WDR27: variants seen among roughly 807,000 people sequenced by gnomAD.
WDR27 encodes WD repeat-containing protein 27.
In WDR27, 100 loss-of-function variants were observed where a neutral mutation model predicts 114.4. The ratio of observed to expected loss-of-function variants is 0.87; its 90% CI spans 0.74 to 1.03. WDR27 has a LOEUF of 1.03. Among genes scored for constraint, WDR27 ranks in the 50% least tolerant of loss-of-function variants. The pLI is 0.00. For missense variants in WDR27, 1,129 were observed against 1,092.9 expected, an observed-to-expected ratio of 1.03 and a Z score of -0.47; for synonymous variants, 449 against 423.1, an observed-to-expected ratio of 1.06 and a Z score of -0.75.
intron 1 of WDR27, among the ~76,000 whole-genome samples, chr6:169,690,642 A>G (rs1784243146): frequency 6.6e-6 from 1 of 152,196 alleles, no homozygotes; most frequent in South Asian, 2.1e-4. Context: ...CCAGACTGAT[A>G]GGATGGAATC....
chr6:169,498,062 A>T (rs959100312), intron 25 of WDR27, among the ~76,000 whole-genome samples: 1 of 152,158 alleles, frequency 6.6e-6, no homozygotes, highest in Non-Finnish European at 1.5e-5. Flanking sequence ...ATACACAAGA[A>T]TATTATTCAG....
chr6:169,643,610 C>T (rs1819731849), intron 17 of WDR27, 87 bp downstream of exon 17: 5 of 1,160,536 alleles, frequency 4.3e-6, no homozygotes, highest in Non-Finnish European at 4.9e-6. Context: ...CTGAAGGAAA[C>T]AAAAGTGTCC....
At chr6:169,692,057 G>T (rs1215271449) in intron 1 of WDR27, among the ~76,000 whole-genome samples, 1 of 134,770 alleles carries the variant, frequency 7.4e-6, no homozygotes, top group Non-Finnish European at 1.5e-5. Flanking sequence ...AATGTGAGAG[G>T]GGGGAAAACT....
chr6:169,679,533 C>G (rs1157827641), intron 2 of WDR27, among the ~76,000 whole-genome samples: 1 of 152,142 alleles, frequency 6.6e-6, no homozygotes, highest in African/African-American at 2.4e-5. Flanking sequence ...CGGCTGATCC[C>G]TCATGGCTTA....
intron 1 of WDR27, among the ~76,000 whole-genome samples, chr6:169,699,127 T>C (rs1787110234): frequency 6.6e-6 from 1 of 152,134 alleles, no homozygotes; most frequent in South Asian, 2.1e-4. Context: ...CTACAGGAAA[T>C]TATTGCAAAG....
In WDR27 at chr6:169,643,765, C is replaced by T. The variant is rs1452515784; in HGVS notation, c.1679G>A (p.Cys560Tyr). Residue 560 changes from cysteine to tyrosine, a missense_variant, in exon 17 of 26, where the codon TGT (cysteine) becomes TAT (tyrosine). Transcript: ENST00000448612. ...GAGTAACAGATGGTTGGCCAACCCA[C>T]AGGCCAGCCACTGCCCATCTCCTGT... ...QYSGDGQWLA[C>Y]GLANHLLLVF... is the part of the protein sequence containing the mutation. The T allele has an allele frequency of 3.1e-6, 5 of 1,613,360 alleles. No homozygotes were observed. The African/African-American group carries it at 5.3e-5, about 17-fold the overall frequency.
chr6:169,575,390 C>CTCCA (rs71010605), intron 24 of WDR27, among the ~76,000 whole-genome samples: 14 of 43,868 alleles, frequency 3.2e-4, no homozygotes, highest in South Asian at 8.9e-4. Flanking sequence ...CCCTCCCTCT[C>CTCCA]TCCATCCATC....
At chr6:169,566,470 C>T (rs1176460913) in intron 25 of WDR27, among the ~76,000 whole-genome samples, 1 of 152,160 alleles carries the variant, frequency 6.6e-6, no homozygotes, top group African/African-American at 2.4e-5. Flanking sequence ...AACCACGTCA[C>T]GGGATGAGAA....
chr6:169,684,888 C>G lies in WDR27; in HGVS notation c.189+3929G>C, dbSNP rs947716714. Among the ~76,000 whole-genome samples, 2 of 152,210 alleles carry G rather than the reference C, an allele frequency of 1.3e-5. No individual in the cohort carries two copies. Among genetic ancestry groups the G allele is most frequent in the Non-Finnish European group, 2.9e-5 (2 of 68,036 alleles). ...GTGCCCATGCTCCTGGCCACAATAA[C>G]ATCCCTGTGGCCCCAACCCCAGCAA... On this transcript the variant is annotated intron_variant, in intron 2 of 25. Transcript: ENST00000448612. The surrounding 1 kb of genome is among the most constrained non-coding windows in gnomAD (Gnocchi z 4.3).
chr6:169,647,993 T>C (rs2128238111), intron 15 of WDR27, 123 bp from the exon 16 acceptor site: 8 of 638,152 alleles, frequency 1.3e-5, no homozygotes, highest in South Asian at 1.9e-5. Context: ...TCCAGTAAAC[T>C]TGAATATTTA....
chr6:169,439,608 T>A, the WDR27 span, among the ~76,000 whole-genome samples: 1 of 152,138 alleles, frequency 6.6e-6, no homozygotes, highest in Non-Finnish European at 1.5e-5. Context: ...ATAAAAATTA[T>A]GATTTTTATG....
chr6:169,683,527 A>C (rs1476208431), intron 2 of WDR27, among the ~76,000 whole-genome samples: 1 of 152,130 alleles, frequency 6.6e-6, no homozygotes, highest in Non-Finnish European at 1.5e-5. Context: ...AGCCCCTCCA[A>C]AAGAAAAAAA....
intron 25 of WDR27, among the ~76,000 whole-genome samples, chr6:169,486,674 T>C (rs1417918875): frequency 1.3e-5 from 2 of 152,180 alleles, no homozygotes; most frequent in South Asian, 2.1e-4. Flanking sequence ...ATATTTTTAG[T>C]AGAGACGGGA....
chr6:169,652,040 A>C (rs757696366), intron 13 of WDR27, 32 bp from the exon 14 acceptor site: 1 of 1,602,508 alleles, frequency 6.2e-7, no homozygotes, highest in Non-Finnish European at 8.5e-7. Flanking sequence ...GAAGAAACAA[A>C]CACTTAAAAT....
At chr6:169,647,095 G>A (rs952920256) in intron 16 of WDR27, among the ~76,000 whole-genome samples, 21 of 152,140 alleles carry the variant, frequency 1.4e-4, no homozygotes, top group African/African-American at 3.1e-4. Context: ...TCTGAGAGGC[G>A]TTCAGGTGGT....
Position 169,659,829 on chromosome 6 carries a change from C to A in WDR27, c.1130-311G>T, listed in dbSNP as rs1418224763. ...TCCTGGAGAAGCCACATGTCCAGCA[C>A]CAGATCAGAAAGGAAATGTGTAATT... On this transcript the variant is annotated intron_variant, in intron 10 of 25. Transcript: ENST00000448612. The surrounding 1 kb of genome is among the most constrained non-coding windows in gnomAD (Gnocchi z 4.3). Among the ~76,000 whole-genome samples, 2 of 151,972 alleles carry A rather than the reference C, an allele frequency of 1.3e-5. No homozygotes were observed. Among genetic ancestry groups the A allele is most frequent in the East Asian group, 1.9e-4 (1 of 5,144 alleles).
chr6:169,480,877 G>A lies in WDR27; in HGVS notation c.2646-23243C>T, dbSNP rs372917872. Among the ~76,000 whole-genome samples the A allele has an allele frequency of 1.6e-4, 24 of 147,100 alleles. No homozygotes were observed. The South Asian group carries it at 2.6e-3, about 16-fold the overall frequency. On this transcript the variant is annotated intron_variant, in intron 25 of 25. Transcript: ENST00000448612. ...TGTGTCTAGCTAAAAGTTTGTAAACGCACCAATCAGTGCTCTGTGTCTAGC... is the reference window on the plus strand; with the variant it reads ...TGTGTCTAGCTAAAAGTTTGTAAACACACCAATCAGTGCTCTGTGTCTAGC...
intron 1 of WDR27, among the ~76,000 whole-genome samples, chr6:169,698,521 A>G (rs951550852): frequency 1.3e-5 from 2 of 152,128 alleles, no homozygotes; most frequent in Non-Finnish European, 2.9e-5. Context: ...CCCTAAAATC[A>G]TTTGTGTAAA....
intron 16 of WDR27, 44 bp from the exon 17 acceptor site, chr6:169,643,830 T>G: frequency 6.6e-7 from 1 of 1,504,648 alleles, no homozygotes; most frequent in Non-Finnish European, 9.1e-7. Flanking sequence ...AAAAGCCTAA[T>G]TCATAGGAGT....
Sources: allele counts gnomAD v4.1 joint callset (sites outside exome capture counted in the v4.1 genomes callset), GRCh38; gene constraint gnomAD v4.1.1; non-coding constraint Gnocchi (gnomAD v3.1); transcripts MANE v1.5; gene names NCBI Gene and HGNC (gene_info 2026-07-23, HGNC 2026-07-21).